Variants in GNL3L observed in about 807,000 individuals in gnomAD.
GNL3L encodes the protein guanine nucleotide-binding protein-like 3-like protein.
Under a neutral mutation model 42.9 loss-of-function variants are expected in GNL3L, and 4 were observed. That is an observed-to-expected ratio of 0.09 (90% confidence interval 0.05 to 0.21). The LOEUF is 0.21. Ranked by LOEUF, GNL3L falls within the 10% of genes least tolerant of loss-of-function variation. The pLI is 1.00. For missense variants in GNL3L, 412 were observed against 481.7 expected (o/e 0.86, Z 1.36); for synonymous variants, 159 against 176.3 (o/e 0.90, Z 0.78).
the GNL3L span, among the ~76,000 whole-genome samples, chrX:54,645,072 C>T: frequency 1.8e-5 from 2 of 111,668 alleles, no homozygotes; most frequent in East Asian, 5.6e-4. Flanking sequence ...ATTACCAGTA[C>T]GTCACTAAAT....
At chrX:54,604,963 G>A (rs1393874103) in intron 16 of GNL3L, among the ~76,000 whole-genome samples, 4 of 111,517 alleles carry the variant, frequency 3.6e-5, no homozygotes, top group Non-Finnish European at 7.5e-5. Context: ...TTTGGCCTGG[G>A]CTCATTAACT....
intron 14 of GNL3L, among the ~76,000 whole-genome samples, chrX:54,557,486 G>A (rs1360126779): frequency 9.0e-6 from 1 of 110,575 alleles, no homozygotes; most frequent in Non-Finnish European, 1.9e-5. Flanking sequence ...CCAGGCCGGA[G>A]TGCAGTGGTG....
chrX:54,581,935 T>C (rs1925720495), intron 16 of GNL3L, among the ~76,000 whole-genome samples: 1 of 111,278 alleles, frequency 9.0e-6, no homozygotes, highest in South Asian at 3.7e-4. Context: ...TGCCCAAGAG[T>C]GGAATTTCTG....
At chrX:54,570,515 A>G (rs746719797), downstream of GNL3L, among the ~76,000 whole-genome samples, 1 of 111,827 alleles carries the variant, frequency 8.9e-6, no homozygotes, top group South Asian at 3.7e-4. Flanking sequence ...CTGCCTTTTA[A>G]TTGATGTTTG....
intron 8 of GNL3L, among the ~76,000 whole-genome samples, chrX:54,545,339 C>T (rs1924741787): frequency 9.0e-6 from 1 of 110,630 alleles, no homozygotes; most frequent in Non-Finnish European, 1.9e-5. Context: ...GTGCCTCAGC[C>T]TCTAGAGTAG....
chrX:54,622,567 A>C (rs992744163), downstream of GNL3L, among the ~76,000 whole-genome samples: 1 of 109,992 alleles, frequency 9.1e-6, no homozygotes, highest in African/African-American at 3.3e-5. Context: ...GTACAGGCAT[A>C]AGCCACTGCA....
At chrX:54,618,262 C>T (rs1433591876) in intron 16 of GNL3L, among the ~76,000 whole-genome samples, 1 of 111,457 alleles carries the variant, frequency 9.0e-6, no homozygotes, top group Non-Finnish European at 1.9e-5. Flanking sequence ...ATATATTAAA[C>T]TCTGCTTATC....
Position 54,563,441 on chromosome X carries a change from A to G in GNL3L, c.*2839A>G, listed in dbSNP as rs1222042947. On this transcript the variant is annotated 3_prime_UTR_variant, in exon 16 of 16. Coordinates refer to ENST00000360845, the MANE Select transcript of GNL3L (RefSeq NM_001184819.2). ...AATGAGTAAGAAACAGCATGGGAGC[A>G]TAATTTGGCCAAAATCAAACAGAAC... Among the ~76,000 whole-genome samples the G allele has an allele frequency of 1.8e-5, 2 of 111,615 alleles. No homozygotes were observed. The highest frequency in any genetic ancestry group is 3.8e-5 in the Non-Finnish European group (2 of 53,196).
intron 10 of GNL3L, among the ~76,000 whole-genome samples, 199 bp from the exon 11 acceptor site, chrX:54,551,369 C>T (rs1300919439): frequency 1.8e-5 from 2 of 111,802 alleles, no homozygotes; most frequent in African/African-American, 6.5e-5. Flanking sequence ...AGCTCAGTCC[C>T]CAGTGGCAGA....
chrX:54,560,645 G>T lies in GNL3L; in HGVS notation c.*43G>T. The stretch of plus-strand genomic sequence containing the variant: ...CCTTCCGCTCCAAGCACCAGTTCCG[G>T]TGGTACGGGGGAATACCAGTGAAAT... On this transcript the variant is annotated 3_prime_UTR_variant, in exon 16 of 16. Coordinates refer to ENST00000360845, the MANE Select transcript of GNL3L (RefSeq NM_001184819.2). The T allele has an allele frequency of 1.3e-6, 1 of 760,821 alleles. No individual in the cohort carries two copies. The highest frequency in any genetic ancestry group is 2.1e-6 in the Non-Finnish European group (1 of 485,469). 62.7% of individuals were successfully genotyped at this position (760,821 alleles called of 1,213,427 possible).
rs149702231 is a variant in GNL3L at position 54,538,653 on chromosome X, C to G, written c.20-387C>G. On this transcript the variant is annotated intron_variant, in intron 2 of 15. Coordinates refer to ENST00000360845, the MANE Select transcript of GNL3L (RefSeq NM_001184819.2). The stretch of plus-strand genomic sequence containing the variant: ...TCCCCACATACTGAGGGCATCTGCC[C>G]AGGTTTAGTGGGCTGGGACTCCTTA... Among the ~76,000 whole-genome samples the G allele has an allele frequency of 1.1e-3, 123 of 111,638 alleles. 1 individual carries two copies. The highest frequency in any genetic ancestry group is 3.7e-3 in the African/African-American group (114 of 30,715).
At chrX:54,554,890 T>A (rs1433870198) in intron 14 of GNL3L, among the ~76,000 whole-genome samples, 198 bp downstream of exon 14, 1 of 111,696 alleles carries the variant, frequency 9.0e-6, no homozygotes, top group African/African-American at 3.3e-5. Context: ...CTAAGGCAGC[T>A]TTCCCAGCTC....
the GNL3L span, among the ~76,000 whole-genome samples, chrX:54,638,778 T>C: frequency 8.9e-6 from 1 of 112,023 alleles, no homozygotes; most frequent in Non-Finnish European, 1.9e-5. Context: ...AACTGATAAG[T>C]TTATCAACCA....
At chrX:54,553,447 T>C (rs1405923632) in intron 13 of GNL3L, among the ~76,000 whole-genome samples, 1 of 112,768 alleles carries the variant, frequency 8.9e-6, no homozygotes, top group Non-Finnish European at 1.9e-5. Context: ...TTAGTGTCCT[T>C]GTGTTACACA....
chrX:54,616,085 A>G (rs375327411), intron 16 of GNL3L, among the ~76,000 whole-genome samples: 1 of 112,977 alleles, frequency 8.9e-6, no homozygotes, highest in East Asian at 2.8e-4. Context: ...GGTATCTAGC[A>G]CAGAGCTGGA....
At position 54,554,688 on chromosome X, in the gene GNL3L, A is replaced by G. The variant is rs1372754433; in HGVS notation, c.1442A>G (p.Tyr481Cys). The change falls in exon 14 of 16, where the codon TAT becomes TGT. Residue 481 changes from tyrosine (Y) to cysteine (C), a missense_variant. Tyr to Cys is a radical substitution (Grantham distance 194). Coordinates refer to ENST00000360845, the MANE Select transcript of GNL3L (RefSeq NM_001184819.2). ...GCCATTGAAAATAAAACCACCGTGT[A>G]TAAGGTACCTGTCATCTTTGTTCAT... ...ADAIENKTTV[Y>C]KIGDLTGYCT... 1.7e-6 allele frequency: 2 copies of G among 1,206,223 alleles called. No individual in the cohort carries two copies. Among genetic ancestry groups the G allele is most frequent in the East Asian group, 5.9e-5 (2 of 33,799 alleles).
chrX:54,590,756 G>GATTTATTTATTTATTTATTT (rs1244221353), intron 16 of GNL3L, among the ~76,000 whole-genome samples: 1 of 111,018 alleles, frequency 9.0e-6, no homozygotes, highest in African/African-American at 3.3e-5. Context: ...TGAGGTCTTA[G>GATTTATTTATTTATTTATTT]ATTTATGTAT....
intron 16 of GNL3L, among the ~76,000 whole-genome samples, chrX:54,590,843 G>T (rs778367453): frequency 2.1e-4 from 23 of 108,849 alleles, no homozygotes; most frequent in African/African-American, 4.1e-4. Context: ...CATTCATTCA[G>T]TCAGTCAGTC....
chrX:54,636,044 T>G, the GNL3L span, among the ~76,000 whole-genome samples: 3 of 112,224 alleles, frequency 2.7e-5, no homozygotes, highest in East Asian at 8.3e-4. Context: ...GTTTTGATCA[T>G]AATCTTTTCC....
Sources: gnomAD v4.1 joint callset for allele counts (sites outside exome capture counted in the v4.1 genomes callset) on GRCh38, gnomAD v4.1.1 for gene constraint, MANE v1.5 for transcripts, NCBI Gene and HGNC (gene_info 2026-07-23, HGNC 2026-07-21) for gene names.